The following ADGB variants were observed in gnomAD, a reference collection of about 807,000 sequenced individuals.
ADGB encodes calpain-7-like protein.
In ADGB, 172 loss-of-function variants were observed where a neutral mutation model predicts 210.5. The ratio of observed to expected loss-of-function variants is 0.82; its 90% CI spans 0.72 to 0.93. The LOEUF is 0.93. ADGB is among the 40% of genes least tolerant of loss of function. The pLI is 0.00. For synonymous variants in ADGB, 658 were observed against 662.7 expected (o/e 0.99, Z 0.11); for missense variants, 2,025 against 1,964.8 (o/e 1.03, Z -0.58).
At chr6:146,657,250 C>T (rs371932669) in intron 5 of ADGB, among the ~76,000 whole-genome samples, 6 of 151,322 alleles carry the variant, frequency 4.0e-5, no homozygotes, top group East Asian at 3.9e-4. Context: ...TGCTTGAACC[C>T]GGGAGGCAGA....
rs1267031298 is a variant in ADGB, at chr6:146,801,869, A to G, written c.4676A>G (p.Asn1559Ser). 5 of 1,550,388 alleles carry G rather than the reference A, an allele frequency of 3.2e-6. No homozygotes were observed. The East Asian group carries it at 1.2e-4, about 38-fold the overall frequency. Residue 1559 changes from asparagine to serine, a missense_variant, in exon 35 of 36, where the codon AAT becomes AGT. Asn to Ser is a conservative substitution (Grantham distance 46). Transcript: ENST00000397944. ...TDPLLQTDEL[N>S]QQQAMQKAEE... Reference sequence around the variant, plus strand: ...CCTCTGCTGCAAACAGATGAATTGAATCAGCAGCAGGCAATGCAAAAGGCG... The same window carrying G: ...CCTCTGCTGCAAACAGATGAATTGAGTCAGCAGCAGGCAATGCAAAAGGCG...
chr6:146,701,791 C>G (rs1776494063), intron 13 of ADGB, among the ~76,000 whole-genome samples: 1 of 151,942 alleles, frequency 6.6e-6, no homozygotes, highest in African/African-American at 2.4e-5. Context: ...TGAATGACTA[C>G]TAAGCATAGT....
At chr6:146,814,187 G>C (rs1339300705) in intron 35 of ADGB, among the ~76,000 whole-genome samples, 1 of 152,146 alleles carries the variant, frequency 6.6e-6, no homozygotes, top group Non-Finnish European at 1.5e-5. Context: ...ATAAAATTAA[G>C]CTGGTTGCAA....
At chr6:146,670,564 T>C (rs1444867313) in intron 7 of ADGB, among the ~76,000 whole-genome samples, 1 of 152,178 alleles carries the variant, frequency 6.6e-6, no homozygotes, top group African/African-American at 2.4e-5. Flanking sequence ...ACAGGCCTAG[T>C]TGAGCATCCA....
chr6:146,625,102 CT>C lies in ADGB; in HGVS notation c.75-10270del, dbSNP rs149499564. Among the ~76,000 whole-genome samples, 736 of 152,038 alleles carry C rather than the reference CT, an allele frequency of 4.8e-3. 13 individuals carry two copies. The East Asian group carries it at 0.061, about 13-fold the overall frequency. ...AATTTTGATGATACTGTTCTATATT[CT>C]TTATCTTCTATAGCCTTATTGATTT... is the stretch of plus-strand genomic sequence containing the variant. On this transcript the variant is annotated intron_variant, in intron 1 of 35. Transcript: ENST00000397944.
chr6:146,775,532 A>G (rs901103343), intron 29 of ADGB, among the ~76,000 whole-genome samples: 1 of 152,152 alleles, frequency 6.6e-6, no homozygotes, highest in African/African-American at 2.4e-5. Context: ...CTTCATGTAT[A>G]ATTACTGGTG....
chr6:146,686,462 T>C (rs1776235871), intron 10 of ADGB, among the ~76,000 whole-genome samples: 1 of 152,116 alleles, frequency 6.6e-6, no homozygotes, highest in South Asian at 2.1e-4. Context: ...TTTGTATGTG[T>C]ATACCTTTTT....
intron 12 of ADGB, among the ~76,000 whole-genome samples, chr6:146,696,740 A>C (rs73589852): frequency 0.025 from 3,824 of 152,250 alleles, 153 homozygotes; most frequent in African/African-American, 0.087. Context: ...TAGACAATGT[A>C]AGAGTGCAAG....
At position 146,668,378 on chromosome 6, in the gene ADGB, A is replaced by G. The variant is rs1011272650; in HGVS notation, c.839+1476A>G. Among the ~76,000 whole-genome samples the G allele has an allele frequency of 3.9e-5, 6 of 152,218 alleles. No homozygotes were observed. The East Asian group carries it at 5.8e-4, about 15-fold the overall frequency. ...TAACTTGGATTCTGCCATCTTCACC[A>G]TATTTTCAGCAGGATAAACTTGGGT... On this transcript the variant is annotated intron_variant, in intron 7 of 35. Transcript: ENST00000397944.
chr6:146,609,426 G>A (rs770349339), intron 1 of ADGB, among the ~76,000 whole-genome samples: 2 of 152,126 alleles, frequency 1.3e-5, no homozygotes, highest in Non-Finnish European at 2.9e-5. Context: ...TTAGTTGGTT[G>A]TTACGTAGAC....
chr6:146,651,718 C>A (rs1433065076), intron 3 of ADGB, among the ~76,000 whole-genome samples: 2 of 152,008 alleles, frequency 1.3e-5, no homozygotes, highest in Non-Finnish European at 2.9e-5. Context: ...GGTCTCTATG[C>A]CTGGTTTATT....
At chr6:146,625,973 C>T (rs1462916491) in intron 1 of ADGB, among the ~76,000 whole-genome samples, 1 of 151,698 alleles carries the variant, frequency 6.6e-6, no homozygotes. Context: ...TTCTTTTTGT[C>T]TCTCTTTCTT....
At chr6:146,747,783 AT>A (rs66842165) in intron 26 of ADGB, among the ~76,000 whole-genome samples, 7,303 of 140,882 alleles carry the variant, frequency 0.052, 172 homozygotes, top group Middle Eastern at 0.069. Flanking sequence ...ATATATATGT[AT>A]TTTTTTTTTT....
At chr6:146,751,031 G>T (rs573093430) in intron 26 of ADGB, among the ~76,000 whole-genome samples, 2 of 152,160 alleles carry the variant, frequency 1.3e-5, no homozygotes, top group South Asian at 4.1e-4. Flanking sequence ...TGTTACATAG[G>T]TAAACATGTG....
chr6:146,633,631 C>T (rs1353520547), intron 1 of ADGB, among the ~76,000 whole-genome samples: 1 of 152,098 alleles, frequency 6.6e-6, no homozygotes, highest in African/African-American at 2.4e-5. Context: ...TGGATAGTCA[C>T]ATAGCTTGAT....
At chr6:146,698,573 T>G (rs540298291) in intron 12 of ADGB, among the ~76,000 whole-genome samples, 1 of 152,212 alleles carries the variant, frequency 6.6e-6, no homozygotes, top group African/African-American at 2.4e-5. Context: ...CATTGAAAAG[T>G]GGGTAGGGAG....
chr6:146,672,326 A>G lies in ADGB; in HGVS notation c.946A>G (p.Lys316Glu), dbSNP rs562776977. ...AAGCAAAATAGCAGTGTTAGATTCT[A>G]AATTAAAAGAACCAGGGAAAGAAGG... ...SESKIAVLDS[K>E]LKEPGKEGKE... The change falls in exon 8 of 36, where the codon AAA (lysine) becomes GAA (glutamate). Residue 316 changes from lysine (K) to glutamate (E), a missense_variant. Transcript: ENST00000397944. 2 of 1,551,492 alleles carry G rather than the reference A, an allele frequency of 1.3e-6. No individual in the cohort carries two copies. The highest frequency in any genetic ancestry group is 2.0e-5 in the Admixed American group (1 of 50,990).
chr6:146,803,517 T>C (rs1778163090), intron 35 of ADGB: 13 of 1,598,394 alleles, frequency 8.1e-6, no homozygotes, highest in East Asian at 2.2e-5. Context: ...CTTTACGAAG[T>C]TTATCTGGGC....
Position 146,736,559 on chromosome 6 carries a change from G to A in ADGB, c.2856G>A (p.Met952Ile), listed in dbSNP as rs375907760. The change falls in exon 23 of 36, where the codon ATG becomes ATA. Residue 952 changes from methionine to isoleucine, a missense_variant. Met to Ile is a conservative substitution (Grantham distance 10). Transcript: ENST00000397944. ...AAAAAGTTTGGGCTGTATTGGAAAT[G>A]AATTTAGAACAGTATGCAGTTTCTC... ...TLQKVWAVLE[M>I]NLEQYAVSLL... 4.5e-6 allele frequency: 7 copies of A among 1,549,594 alleles called. No individual in the cohort carries two copies. Among genetic ancestry groups the A allele is most frequent in the East Asian group, 2.4e-5 (1 of 40,830 alleles).
Sources: allele counts gnomAD v4.1 joint callset (sites outside exome capture counted in the v4.1 genomes callset), GRCh38; gene constraint gnomAD v4.1.1; transcripts MANE v1.5; gene names NCBI Gene and HGNC (gene_info 2026-07-23, HGNC 2026-07-21).